The following MORC1 variants were observed in gnomAD, a reference collection of about 807,000 sequenced individuals.
The protein encoded by MORC1 is MORC family CW-type zinc finger 1.
A neutral mutation model predicts 134.9 loss-of-function variants in MORC1; 59 were observed. The observed-to-expected ratio is 0.44, with a 90% CI of 0.35 to 0.54. MORC1 has a LOEUF of 0.54. Among genes scored for constraint, MORC1 ranks in the 20% least tolerant of loss-of-function variants. The pLI is 0.00. For missense variants in MORC1, 947 were observed against 1,134.5 expected, an observed-to-expected ratio of 0.83 and a Z score of 2.37; for synonymous variants, 395 against 391.7, an observed-to-expected ratio of 1.01 and a Z score of -0.10.
At chr3:109,117,331 C>CAAAAAAAAAAAAAAAAAAAAA (rs202128565) in intron 1 of MORC1, among the ~76,000 whole-genome samples, 1 of 113,642 alleles carries the variant, frequency 8.8e-6, no homozygotes, top group Non-Finnish European at 1.8e-5. Context: ...CAAAAGATGT[C>CAAAAAAAAAAAAAAAAAAAAA]AAAAAAAAAA....
chr3:108,983,627 T>G (rs1043042319), intron 23 of MORC1, among the ~76,000 whole-genome samples: 8 of 152,186 alleles, frequency 5.3e-5, no homozygotes, highest in African/African-American at 1.9e-4. Flanking sequence ...TTGACTGTGA[T>G]CACTGCTCAC....
chr3:109,018,577 C>G (rs957277635), intron 17 of MORC1, among the ~76,000 whole-genome samples: 6 of 152,130 alleles, frequency 3.9e-5, no homozygotes, highest in African/African-American at 1.4e-4. Flanking sequence ...CACTCTCATA[C>G]AGAAATGTCC....
intron 8 of MORC1, among the ~76,000 whole-genome samples, chr3:109,072,700 C>A (rs80062663): frequency 0.037 from 5,608 of 152,158 alleles, 349 homozygotes; most frequent in African/African-American, 0.13. Flanking sequence ...CATGCTAAAT[C>A]GTCAGGATAT....
rs1207320361 is a variant in MORC1 at position 109,009,204 on chromosome 3, G to GTTTTTT, written c.1705-2114_1705-2113insAAAAAA. Among the ~76,000 whole-genome samples the GTTTTTT allele has an allele frequency of 2.6e-4, 25 of 96,780 alleles. 1 individual carries two copies. The highest frequency in any genetic ancestry group is 3.7e-4 in the African/African-American group (10 of 26,754). The allele number at this position is 96,780 out of a possible 152,430, so 63.5% of individuals were successfully genotyped here. On this transcript the variant is annotated intron_variant, in intron 17 of 27. Coordinates refer to ENST00000232603, the MANE Select transcript of MORC1 (RefSeq NM_014429.4). ...GTTCTTTCCTATTTTTACGTTTTTT[G>GTTTTTT]TTGTTTTTTTTTTTTTTTTTGAGAC...
chr3:109,074,233 T>C (rs1950375657), intron 8 of MORC1, among the ~76,000 whole-genome samples: 1 of 152,196 alleles, frequency 6.6e-6, no homozygotes, highest in African/African-American at 2.4e-5. Context: ...TCCCGAGCCA[T>C]GGCGGATTTC....
chr3:109,072,968 C>CACAT (rs1553759652), intron 8 of MORC1, among the ~76,000 whole-genome samples: 2 of 22,302 alleles, frequency 9.0e-5, no homozygotes, highest in Non-Finnish European at 7.4e-4. Context: ...CACACACATA[C>CACAT]ACACACACAC....
intron 18 of MORC1, 33 bp downstream of exon 18, chr3:109,006,996 C>G: frequency 6.5e-7 from 1 of 1,533,280 alleles, no homozygotes; most frequent in Admixed American, 1.9e-5. Flanking sequence ...TAAAACATGA[C>G]ACAAATTGCT....
At chr3:108,995,510 A>T (rs775052616) in intron 21 of MORC1, among the ~76,000 whole-genome samples, 1 of 152,230 alleles carries the variant, frequency 6.6e-6, no homozygotes, top group Non-Finnish European at 1.5e-5. Flanking sequence ...ACAACAGCTC[A>T]TGGAAGGGGT....
chr3:108,959,165 A>G, intron 27 of MORC1, 45 bp from the exon 28 acceptor site: 1 of 1,495,940 alleles, frequency 6.7e-7, no homozygotes, highest in Non-Finnish European at 8.9e-7. Context: ...GAAGCTGCAG[A>G]GCTTATTCCT....
At position 109,057,475 on chromosome 3, in the gene MORC1, G is replaced by T; in HGVS notation, c.1043C>A (p.Thr348Lys). 6.3e-7 allele frequency: 1 copy of T among 1,594,946 alleles called. No individual in the cohort carries two copies. Among genetic ancestry groups the T allele is most frequent in the Non-Finnish European group, 8.5e-7 (1 of 1,172,412 alleles). Residue 348 changes from threonine (T) to lysine (K), a missense_variant, in exon 13 of 28, where the codon ACA becomes AAA. Physicochemically the swap from Thr to Lys is moderately conservative, Grantham distance 78. This residue lies in a region of MORC1 where 722 missense variants were observed against 817.0 expected (regional missense o/e 0.88). Transcript: ENST00000232603. ...ATAGAACAGGGAGAGCGTTCTTGCT[G>T]TTTTTAATTCTCTAGAGTTACATTT... ...NLKEKQRELK[T>K]ARTLSLFYGV... is the part of the protein sequence containing the mutation.
chr3:109,031,966 T>G (rs1439149491), intron 16 of MORC1, among the ~76,000 whole-genome samples: 2 of 152,214 alleles, frequency 1.3e-5, no homozygotes, highest in Non-Finnish European at 2.9e-5. Flanking sequence ...ACCTGAGGAC[T>G]CTAGATGAAA....
chr3:108,968,795 A>G (rs1209247181), intron 26 of MORC1, among the ~76,000 whole-genome samples: 1 of 152,198 alleles, frequency 6.6e-6, no homozygotes, highest in Non-Finnish European at 1.5e-5. Context: ...AAGCACAGGT[A>G]AAGTGTCAAC....
At chr3:109,092,757 T>C (rs937135349) in intron 8 of MORC1, among the ~76,000 whole-genome samples, 5 of 152,218 alleles carry the variant, frequency 3.3e-5, no homozygotes, top group Admixed American at 6.5e-5. Context: ...TATATTTCTA[T>C]TGTACAACAC....
intron 8 of MORC1, among the ~76,000 whole-genome samples, chr3:109,087,288 G>A (rs541315760): frequency 3.6e-4 from 54 of 152,088 alleles, no homozygotes; most frequent in South Asian, 2.1e-3. Flanking sequence ...GCCAGACTAC[G>A]TGTGTTTGCA....
intron 21 of MORC1, among the ~76,000 whole-genome samples, chr3:108,996,307 C>CACACACACACACACACACACACACACAA (rs1052240440): frequency 6.7e-6 from 1 of 148,312 alleles, no homozygotes; most frequent in African/African-American, 2.5e-5. Context: ...CACACACACA[C>CACACACACACACACACACACACACACAA]AACTAGAATT....
chr3:109,015,153 G>A (rs1272799950), intron 17 of MORC1, among the ~76,000 whole-genome samples: 1 of 152,148 alleles, frequency 6.6e-6, no homozygotes, highest in East Asian at 1.9e-4. Flanking sequence ...CAAAGTGCTA[G>A]GATTACAGGC....
chr3:109,022,855 T>C (rs751638520), intron 17 of MORC1, among the ~76,000 whole-genome samples: 1 of 152,166 alleles, frequency 6.6e-6, no homozygotes, highest in South Asian at 2.1e-4. Flanking sequence ...TGAAGAGAAA[T>C]AGTCCTTTAT....
chr3:108,994,257 G>A (rs1256634178), intron 21 of MORC1, among the ~76,000 whole-genome samples: 1 of 151,998 alleles, frequency 6.6e-6, no homozygotes, highest in African/African-American at 2.4e-5. Flanking sequence ...ACTTTTGTCA[G>A]CAGTGTTCTG....
At chr3:109,089,067 G>C (rs1236633251) in intron 8 of MORC1, among the ~76,000 whole-genome samples, 1 of 152,098 alleles carries the variant, frequency 6.6e-6, no homozygotes, top group Non-Finnish European at 1.5e-5. Flanking sequence ...CTTGAGCATG[G>C]AGGGTGGGAG....
Sources: allele counts gnomAD v4.1 joint callset (sites outside exome capture counted in the v4.1 genomes callset), GRCh38; gene constraint gnomAD v4.1.1; regional missense constraint gnomAD v4.1.1; transcripts MANE v1.5; gene names NCBI Gene and HGNC (gene_info 2026-07-23, HGNC 2026-07-21).